Variants in EBF1 observed in about 807,000 individuals in gnomAD.
The protein encoded by EBF1 is EBF transcription factor 1.
Under a neutral mutation model 68.4 loss-of-function variants are expected in EBF1, and 10 were observed. That is an observed-to-expected ratio of 0.15 (90% CI 0.09 to 0.25). The LOEUF is 0.25. Ranked by LOEUF, EBF1 falls within the 10% of genes least tolerant of loss-of-function variation. EBF1 has a pLI of 1.00. For synonymous variants in EBF1, 298 were observed against 299.8 expected (o/e 0.99, Z 0.06); for missense variants, 509 against 794.4 (o/e 0.64, Z 4.32).
intron 6 of EBF1, among the ~76,000 whole-genome samples, chr5:158,883,166 ATG>A (rs1314348405): frequency 2.6e-5 from 4 of 152,154 alleles, no homozygotes; most frequent in Non-Finnish European, 5.9e-5. Flanking sequence ...CATTTTTGAA[ATG>A]TGTGTATCTG....
intron 6 of EBF1, among the ~76,000 whole-genome samples, chr5:158,893,008 A>C (rs888493145): frequency 2.0e-5 from 3 of 151,982 alleles, no homozygotes; most frequent in Non-Finnish European, 2.9e-5. Flanking sequence ...TAAACAGTTT[A>C]TGTCCCACAA....
intron 6 of EBF1, among the ~76,000 whole-genome samples, chr5:158,860,459 C>T (rs1398204614): frequency 6.6e-6 from 1 of 152,166 alleles, no homozygotes; most frequent in Non-Finnish European, 1.5e-5. Flanking sequence ...CATAAGAATG[C>T]AGATCTGGGG....
At chr5:158,964,561 G>C (rs1182913756) in intron 6 of EBF1, among the ~76,000 whole-genome samples, 1 of 152,142 alleles carries the variant, frequency 6.6e-6, no homozygotes, top group Non-Finnish European at 1.5e-5. Context: ...CACAGGTATG[G>C]AGAAGCTCGA....
intron 6 of EBF1, among the ~76,000 whole-genome samples, chr5:158,865,566 T>A (rs896592663): frequency 1.3e-5 from 2 of 152,214 alleles, no homozygotes; most frequent in Non-Finnish European, 2.9e-5. Context: ...GGGATCACAA[T>A]CATTTCCATC....
At chr5:158,965,486 T>C (rs1381653330) in intron 6 of EBF1, among the ~76,000 whole-genome samples, 1 of 152,228 alleles carries the variant, frequency 6.6e-6, no homozygotes, top group Non-Finnish European at 1.5e-5. Flanking sequence ...GAGACTGCTC[T>C]GCAGCTTTGG....
At chr5:158,718,890 C>A (rs1425690728) in intron 11 of EBF1, among the ~76,000 whole-genome samples, 1 of 152,156 alleles carries the variant, frequency 6.6e-6, no homozygotes, top group Non-Finnish European at 1.5e-5. Flanking sequence ...TGTTAGTCAT[C>A]ATTCTCCATA....
chr5:158,852,556 C>G (rs921814911), intron 6 of EBF1, among the ~76,000 whole-genome samples: 1 of 152,170 alleles, frequency 6.6e-6, no homozygotes, highest in African/African-American at 2.4e-5. Context: ...TAAAAATGAC[C>G]AGCGAGCATC....
At chr5:158,809,496 A>G (rs1406029986) in intron 8 of EBF1, among the ~76,000 whole-genome samples, 3 of 152,172 alleles carry the variant, frequency 2.0e-5, no homozygotes, top group Non-Finnish European at 4.4e-5. Context: ...TATCCCCAAG[A>G]TAGAGGGTGG....
At chr5:158,869,703 G>GCCTTTTCAT (rs1333156393) in intron 6 of EBF1, among the ~76,000 whole-genome samples, 1 of 151,674 alleles carries the variant, frequency 6.6e-6, no homozygotes, top group African/African-American at 2.4e-5. Flanking sequence ...ACTTCACTCT[G>GCCTTTTCAT]CCTTTTCATC....
chr5:158,933,856 G>A (rs1380744070), intron 6 of EBF1, among the ~76,000 whole-genome samples: 2 of 152,162 alleles, frequency 1.3e-5, no homozygotes, highest in Non-Finnish European at 2.9e-5. Context: ...GAACCCAAAT[G>A]AATAAATTGA....
rs1561985760 is a variant in EBF1 at position 159,087,345 on chromosome 5, T to TATATATATACACATATATATATACACAC, written c.412-2634_412-2607dup. ...ATACACATATATATATACACACACA[T>TATATATATACACATATATATATACACAC]ATATATATACACATATATATATACA... On this transcript the variant is annotated intron_variant, in intron 4 of 15. Transcript: ENST00000313708. 4.2e-4 allele frequency among the ~76,000 whole-genome samples: 51 copies of TATATATATACACATATATATATACACAC among 122,150 alleles called. No homozygotes were observed. The East Asian group carries it at 7.1e-3, about 17-fold the overall frequency. 80.1% of individuals were successfully genotyped at this position (122,150 alleles called of 152,430 possible).
At chr5:158,891,952 G>A (rs796860938) in intron 6 of EBF1, among the ~76,000 whole-genome samples, 8 of 152,056 alleles carry the variant, frequency 5.3e-5, no homozygotes, top group African/African-American at 1.9e-4. Context: ...ATTCACCTAA[G>A]AGCTCCCCTT....
intron 6 of EBF1, among the ~76,000 whole-genome samples, chr5:158,997,980 T>C (rs988406509): frequency 2.0e-5 from 3 of 152,068 alleles, no homozygotes; most frequent in Non-Finnish European, 4.4e-5. Context: ...CCTGCCACCA[T>C]TTCCTTCCCC....
chr5:158,925,754 TA>T (rs1809561028), intron 6 of EBF1, among the ~76,000 whole-genome samples: 1 of 152,228 alleles, frequency 6.6e-6, no homozygotes, highest in Non-Finnish European at 1.5e-5. Flanking sequence ...TTCTGTTACT[TA>T]AGCTACTGTT....
At chr5:158,986,723 T>C (rs1057169386) in intron 6 of EBF1, among the ~76,000 whole-genome samples, 3 of 152,190 alleles carry the variant, frequency 2.0e-5, no homozygotes, top group South Asian at 4.2e-4. Flanking sequence ...GGAGAGAAAA[T>C]TCCTAAGAAT....
chr5:159,091,988 C>T (rs1781735508), intron 4 of EBF1, among the ~76,000 whole-genome samples: 1 of 152,078 alleles, frequency 6.6e-6, no homozygotes. Context: ...TAAAATATCA[C>T]TCTTTTAAAG....
intron 5 of EBF1, among the ~76,000 whole-genome samples, chr5:159,074,125 G>A (rs370400581): frequency 1.3e-5 from 2 of 152,232 alleles, no homozygotes; most frequent in Middle Eastern, 3.4e-3. Context: ...CCTCACTTAA[G>A]TTTTCTGGGG....
chr5:158,712,132 C>A, intron 14 of EBF1, 22 bp downstream of exon 14: 1 of 1,612,366 alleles, frequency 6.2e-7, no homozygotes. Context: ...TGCAGGAACG[C>A]AGGATATGCA....
At chr5:159,065,396 A>G (rs1584377052) in intron 6 of EBF1, among the ~76,000 whole-genome samples, 1 of 152,232 alleles carries the variant, frequency 6.6e-6, no homozygotes, top group East Asian at 1.9e-4. Flanking sequence ...GAGCAGCACC[A>G]CATCAAAAAG....
Sources: allele counts gnomAD v4.1 joint callset (sites outside exome capture counted in the v4.1 genomes callset), GRCh38; gene constraint gnomAD v4.1.1; transcripts MANE v1.5; gene names NCBI Gene and HGNC (gene_info 2026-07-23, HGNC 2026-07-21).